Variants in DGLUCY observed in about 807,000 individuals in gnomAD.
The protein encoded by DGLUCY is D-glutamate cyclase, also known as D-glutamate cyclase, mitochondrial.
DGLUCY carries 58 observed loss-of-function variants against 58.5 expected under a neutral mutation model. That is an observed-to-expected ratio of 0.99 (90% CI 0.80 to 1.23). The LOEUF is 1.23. DGLUCY is among the 50% of genes most tolerant of loss of function. DGLUCY has a pLI of 0.00. For missense variants in DGLUCY, 779 were observed against 784.7 expected, an observed-to-expected ratio of 0.99 and a Z score of 0.09; for synonymous variants, 325 against 314.1, an observed-to-expected ratio of 1.03 and a Z score of -0.37.
intron 9 of DGLUCY, among the ~76,000 whole-genome samples, chr14:91,192,336 C>T (rs2140520682): frequency 6.6e-6 from 1 of 152,116 alleles, no homozygotes; most frequent in East Asian, 1.9e-4. Flanking sequence ...TTGCCAGTGG[C>T]TGGGAGGAGA....
chr14:91,082,284 A>G (rs2044140790), intron 1 of DGLUCY, among the ~76,000 whole-genome samples: 1 of 152,162 alleles, frequency 6.6e-6, no homozygotes, highest in Non-Finnish European at 1.5e-5. Context: ...CCCCCTTCCC[A>G]TGAAAGAGGT....
Position 91,187,096 on chromosome 14 carries a change from T to G in DGLUCY, c.935-1814T>G, listed in dbSNP as rs185589786. On this transcript the variant is annotated intron_variant, in intron 8 of 13. Coordinates refer to ENST00000256324, the MANE Select transcript of DGLUCY (RefSeq NM_001102368.3). ...CTCACTGCAACCTCCACCTCCCGAG[T>G]TGAAGCGATTCTCCTGCCTCAGCCT... 1.2e-3 allele frequency among the ~76,000 whole-genome samples: 180 copies of G among 152,034 alleles called. 1 individual carries two copies. The highest frequency in any genetic ancestry group is 3.4e-3 in the African/African-American group (143 of 41,452).
intron 1 of DGLUCY, among the ~76,000 whole-genome samples, chr14:91,074,495 A>G (rs1195293384): frequency 6.6e-6 from 1 of 151,886 alleles, no homozygotes; most frequent in African/African-American, 2.4e-5. Context: ...AAACAAAAAA[A>G]GAATGAAGGT....
intron 11 of DGLUCY, among the ~76,000 whole-genome samples, chr14:91,200,390 C>T (rs1231798861): frequency 2.6e-5 from 4 of 152,142 alleles, no homozygotes; most frequent in Non-Finnish European, 5.9e-5. Flanking sequence ...AGAAATCCAA[C>T]ATCCTCACAA....
At chr14:91,073,608 C>T (rs138597628) in intron 1 of DGLUCY, among the ~76,000 whole-genome samples, 15 of 152,220 alleles carry the variant, frequency 9.9e-5, no homozygotes, top group Middle Eastern at 3.4e-3. Flanking sequence ...TGTGAGCCAC[C>T]GCTCCTGGCT....
At chr14:91,162,558 G>A (rs2048050635) in intron 3 of DGLUCY, among the ~76,000 whole-genome samples, 1 of 151,876 alleles carries the variant, frequency 6.6e-6, no homozygotes. Context: ...CAGCTGTGGA[G>A]ATGAACAAAA....
At chr14:91,067,620 C>T (rs2043845435) in intron 1 of DGLUCY, among the ~76,000 whole-genome samples, 1 of 151,870 alleles carries the variant, frequency 6.6e-6, no homozygotes, top group African/African-American at 2.4e-5. Flanking sequence ...ACGATCTCGG[C>T]TCACTGCAAC....
Position 91,123,108 on chromosome 14 carries a change from G to A in DGLUCY, c.-82+8825G>A, listed in dbSNP as rs188681932. On this transcript the variant is annotated intron_variant, in intron 1 of 13. Transcript: ENST00000256324. Reference sequence around the variant, plus strand: ...GCTGTGCTCAGGGAGAACTCTGTTCGGCCCACACCACCTTAGTTACTAGTG... The same window carrying A: ...GCTGTGCTCAGGGAGAACTCTGTTCAGCCCACACCACCTTAGTTACTAGTG... 2.4e-4 allele frequency among the ~76,000 whole-genome samples: 37 copies of A among 152,136 alleles called. No individual in the cohort carries two copies. In the East Asian group the frequency reaches 6.4e-3, roughly 26 times the overall value.
intron 1 of DGLUCY, among the ~76,000 whole-genome samples, chr14:91,074,837 C>T (rs568551738): frequency 5.2e-4 from 79 of 152,274 alleles, no homozygotes; most frequent in African/African-American, 1.8e-3. Context: ...CTTTGGGAGG[C>T]TGAGGCTGGC....
intron 1 of DGLUCY, among the ~76,000 whole-genome samples, chr14:91,117,827 T>C (rs188919879): frequency 3.9e-5 from 6 of 152,320 alleles, no homozygotes; most frequent in Admixed American, 6.5e-5. Flanking sequence ...AATCAATACA[T>C]GTGAAGTACA....
chr14:91,123,568 G>A (rs181653429), intron 1 of DGLUCY, among the ~76,000 whole-genome samples: 197 of 151,960 alleles, frequency 1.3e-3, no homozygotes, highest in African/African-American at 4.3e-3. Flanking sequence ...TAGGTCCATT[G>A]TAACAGCACT....
At chr14:91,093,013 G>C (rs2044338107) in intron 1 of DGLUCY, among the ~76,000 whole-genome samples, 1 of 149,612 alleles carries the variant, frequency 6.7e-6, no homozygotes, top group Non-Finnish European at 1.5e-5. Context: ...GAATCCGGGA[G>C]ACAAAGGTTG....
At chr14:91,091,315 G>A (rs190047948) in intron 1 of DGLUCY, among the ~76,000 whole-genome samples, 6 of 152,212 alleles carry the variant, frequency 3.9e-5, no homozygotes, top group East Asian at 1.9e-4. Context: ...GAGCTCTGGA[G>A]TTCAAGACAA....
intron 2 of DGLUCY, chr14:91,159,036 G>A (rs2047824830): frequency 7.0e-6 from 1 of 142,094 alleles, no homozygotes; most frequent in Admixed American, 7.3e-5. Flanking sequence ...TTGCCATGTT[G>A]CCTGGGCATG....
At chr14:91,212,399 G>T (rs559937310) in intron 12 of DGLUCY, among the ~76,000 whole-genome samples, 3 of 152,240 alleles carry the variant, frequency 2.0e-5, no homozygotes, top group African/African-American at 7.2e-5. Context: ...CTGTTTCCCA[G>T]TTTTCAAATG....
At chr14:91,163,562 C>T (rs1399736133) in intron 3 of DGLUCY, among the ~76,000 whole-genome samples, 1 of 152,218 alleles carries the variant, frequency 6.6e-6, no homozygotes, top group Non-Finnish European at 1.5e-5. Flanking sequence ...CCTGGACATT[C>T]CCAGCGGATG....
chr14:91,178,528 G>C (rs537837990), intron 7 of DGLUCY, among the ~76,000 whole-genome samples: 1 of 152,164 alleles, frequency 6.6e-6, no homozygotes, highest in South Asian at 2.1e-4. Flanking sequence ...CAACTGATGG[G>C]GGCAAAACCC....
intron 8 of DGLUCY, 45 bp from the exon 9 acceptor site, chr14:91,188,865 T>A (rs1392953363): frequency 1.3e-6 from 2 of 1,549,096 alleles, no homozygotes; most frequent in South Asian, 2.4e-5. Flanking sequence ...ATACAAATAA[T>A]TTTAAAAATA....
intron 1 of DGLUCY, among the ~76,000 whole-genome samples, chr14:91,121,638 A>G (rs895047995): frequency 8.7e-5 from 13 of 148,594 alleles, no homozygotes; most frequent in African/African-American, 3.2e-4. Flanking sequence ...AATAATAATA[A>G]TAATAATAAT....
Sources: allele counts gnomAD v4.1 joint callset (sites outside exome capture counted in the v4.1 genomes callset), GRCh38; gene constraint gnomAD v4.1.1; transcripts MANE v1.5; gene names NCBI Gene and HGNC (gene_info 2026-07-23, HGNC 2026-07-21).